IL1RAPL2: variants seen among roughly 807,000 people sequenced by gnomAD.
IL1RAPL2 encodes the protein interleukin 1 receptor accessory protein like 2.
IL1RAPL2 carries 3 observed loss-of-function variants against 44.1 expected under a neutral mutation model. The observed-to-expected ratio is 0.07, with a 90% CI of 0.03 to 0.18. IL1RAPL2 has a LOEUF of 0.18. IL1RAPL2 is among the 10% of genes least tolerant of loss of function. IL1RAPL2 has a pLI of 1.00. For synonymous variants in IL1RAPL2, 181 were observed against 178.8 expected, an observed-to-expected ratio of 1.01 and a Z score of -0.10; for missense variants, 391 against 496.4, an observed-to-expected ratio of 0.79 and a Z score of 2.02.
At chrX:104,945,828 G>A (rs1925330563) in intron 2 of IL1RAPL2, among the ~76,000 whole-genome samples, 1 of 110,960 alleles carries the variant, frequency 9.0e-6, no homozygotes, top group South Asian at 3.8e-4. Context: ...ATTAGTCATG[G>A]GTGAGTGTTA....
intron 2 of IL1RAPL2, among the ~76,000 whole-genome samples, chrX:104,909,668 G>A (rs771530146): frequency 1.8e-5 from 2 of 112,111 alleles, no homozygotes; most frequent in South Asian, 7.5e-4. Context: ...GGGGTCAGGG[G>A]TCAGGCACCC....
At chrX:105,626,754 AC>A (rs1190752760) in intron 6 of IL1RAPL2, among the ~76,000 whole-genome samples, 1 of 111,942 alleles carries the variant, frequency 8.9e-6, no homozygotes, top group Admixed American at 9.5e-5. Flanking sequence ...TTTCAAAAAA[AC>A]ATAAATAATT....
intron 6 of IL1RAPL2, among the ~76,000 whole-genome samples, chrX:105,687,888 C>T (rs1349353260): frequency 1.8e-5 from 2 of 111,423 alleles, no homozygotes; most frequent in Non-Finnish European, 3.8e-5. Flanking sequence ...TGAAATAGGC[C>T]TCATCCCTGG....
chrX:105,426,561 G>T (rs992694205), intron 5 of IL1RAPL2, among the ~76,000 whole-genome samples: 1 of 110,483 alleles, frequency 9.1e-6, no homozygotes, highest in African/African-American at 3.3e-5. Context: ...TCCTTCAAGG[G>T]ATTATTTTTT....
chrX:105,673,671 T>C (rs942766762), intron 6 of IL1RAPL2, among the ~76,000 whole-genome samples: 3 of 112,032 alleles, frequency 2.7e-5, no homozygotes, highest in Admixed American at 9.5e-5. Context: ...TTTATTTCTT[T>C]GGGTATCTAC....
chrX:104,852,552 CA>C (rs1350687542), intron 2 of IL1RAPL2, among the ~76,000 whole-genome samples: 1 of 112,241 alleles, frequency 8.9e-6, no homozygotes, highest in Admixed American at 9.4e-5. Flanking sequence ...TTGATTCTAA[CA>C]ACTTTCACAA....
At chrX:104,882,806 G>A (rs907290634) in intron 2 of IL1RAPL2, among the ~76,000 whole-genome samples, 2 of 111,725 alleles carry the variant, frequency 1.8e-5, no homozygotes, top group African/African-American at 3.3e-5. Context: ...CTTTGGGTCC[G>A]CACTACCTTT....
rs186572053 is a variant in IL1RAPL2 at position 104,838,615 on chromosome X, G to A, written c.82+179620G>A. Among the ~76,000 whole-genome samples the A allele has an allele frequency of 7.2e-3, 802 of 110,854 alleles. 8 individuals carry two copies. Among genetic ancestry groups the A allele is most frequent in the African/African-American group, 0.024 (741 of 30,474 alleles). On this transcript the variant is annotated intron_variant, in intron 2 of 10. Coordinates refer to ENST00000372582, the MANE Select transcript of IL1RAPL2 (RefSeq NM_017416.2). ...CTGAAGTTGCTTATCAGCTTATGGT[G>A]TTTTGGGGCTGAGACGATGGGGTTT...
In IL1RAPL2 at chrX:105,082,363, T is replaced by G. The variant is rs189716712; in HGVS notation, c.83-113112T>G. Among the ~76,000 whole-genome samples, 103 of 112,097 alleles carry G rather than the reference T, an allele frequency of 9.2e-4. No individual in the cohort carries two copies. The East Asian group carries it at 0.025, about 27-fold the overall frequency. On this transcript the variant is annotated intron_variant, in intron 2 of 10. Transcript: ENST00000372582. ...TTATTGCATCTAGTTGATTCTTTTC[T>G]ATTTTCTTCTTTGTTAATCTGGCTA...
chrX:104,920,479 A>T (rs1924601520), intron 2 of IL1RAPL2, among the ~76,000 whole-genome samples: 2 of 105,150 alleles, frequency 1.9e-5, no homozygotes, highest in Admixed American at 2.1e-4. Flanking sequence ...TGTGATACTG[A>T]GTGAGTTATC....
intron 5 of IL1RAPL2, chrX:105,405,818 T>A: frequency 1.7e-6 from 2 of 1,173,582 alleles, no homozygotes; most frequent in Non-Finnish European, 2.3e-6. Flanking sequence ...TATATGGAAC[T>A]TTATCTGATT....
intron 4 of IL1RAPL2, among the ~76,000 whole-genome samples, chrX:105,257,084 A>T (rs1332114780): frequency 9.0e-6 from 1 of 111,551 alleles, no homozygotes; most frequent in East Asian, 2.8e-4. Flanking sequence ...GAGTGCTGTG[A>T]ATCTCCCCTT....
intron 6 of IL1RAPL2, among the ~76,000 whole-genome samples, chrX:105,521,904 T>C (rs1314469423): frequency 1.8e-5 from 2 of 112,378 alleles, no homozygotes; most frequent in African/African-American, 6.5e-5. Context: ...ACAGAATACA[T>C]ACATGGCTTG....
chrX:105,099,223 T>C (rs2032639878), intron 2 of IL1RAPL2, among the ~76,000 whole-genome samples: 1 of 111,390 alleles, frequency 9.0e-6, no homozygotes, highest in African/African-American at 3.3e-5. Flanking sequence ...TAGTTCCCCA[T>C]TGTATCAGTC....
chrX:105,676,652 T>A (rs750664969), intron 6 of IL1RAPL2, among the ~76,000 whole-genome samples: 1 of 112,326 alleles, frequency 8.9e-6, no homozygotes, highest in East Asian at 2.8e-4. Context: ...TAAAGGTTAC[T>A]GCTACAAATA....
intron 2 of IL1RAPL2, among the ~76,000 whole-genome samples, chrX:105,021,453 A>G (rs926181408): frequency 1.8e-5 from 2 of 111,071 alleles, no homozygotes; most frequent in Non-Finnish European, 3.8e-5. Context: ...GGGCTTATAT[A>G]CATATAAGCT....
Position 104,764,861 on chromosome X carries a change from T to A in IL1RAPL2, c.82+105866T>A, listed in dbSNP as rs142407593. ...TGTCGATATGTTGTATCACATTCAT[T>A]CATTTGCATATGTTGAACCATCCTT... On this transcript the variant is annotated intron_variant, in intron 2 of 10. Coordinates refer to ENST00000372582, the MANE Select transcript of IL1RAPL2 (RefSeq NM_017416.2). Among the ~76,000 whole-genome samples, 775 of 112,504 alleles carry A rather than the reference T, an allele frequency of 6.9e-3. 8 individuals carry two copies. Among genetic ancestry groups the A allele is most frequent in the Non-Finnish European group, 0.013 (670 of 53,224 alleles).
intron 2 of IL1RAPL2, among the ~76,000 whole-genome samples, chrX:104,904,103 T>C (rs1923899272): frequency 9.1e-6 from 1 of 109,905 alleles, no homozygotes; most frequent in Non-Finnish European, 1.9e-5. Context: ...TATTCACAAA[T>C]ATCCCTCTCT....
intron 5 of IL1RAPL2, among the ~76,000 whole-genome samples, chrX:105,390,614 G>A (rs2035514286): frequency 9.1e-6 from 1 of 110,116 alleles, no homozygotes; most frequent in Admixed American, 9.8e-5. Context: ...GCAAAGCATA[G>A]AGATATTGCT....
Sources: allele counts gnomAD v4.1 joint callset (sites outside exome capture counted in the v4.1 genomes callset), GRCh38; gene constraint gnomAD v4.1.1; transcripts MANE v1.5; gene names NCBI Gene and HGNC (gene_info 2026-07-23, HGNC 2026-07-21).